The following KCNH8 variants were observed in gnomAD, a reference collection of about 807,000 sequenced individuals.
KCNH8 encodes the protein voltage-gated delayed rectifier potassium channel KCNH8.
In KCNH8, 70 loss-of-function variants were observed where a neutral mutation model predicts 103.6. The observed-to-expected ratio is 0.68, with a 90% CI of 0.56 to 0.82. The LOEUF is 0.82. Ranked by LOEUF, KCNH8 falls within the 40% of genes least tolerant of loss-of-function variation. The pLI, the probability that KCNH8 is intolerant of heterozygous loss-of-function variation, is 0.00. For missense variants in KCNH8, 1,217 were observed against 1,329.9 expected (o/e 0.92, Z 1.32); for synonymous variants, 498 against 489.4 (o/e 1.02, Z -0.23).
chr3:19,198,689 A>G (rs1223817215), intron 1 of KCNH8, among the ~76,000 whole-genome samples: 1 of 151,872 alleles, frequency 6.6e-6, no homozygotes, highest in Non-Finnish European at 1.5e-5. Context: ...AATTTTCCAA[A>G]CAACCATTAT....
intron 1 of KCNH8, among the ~76,000 whole-genome samples, chr3:19,231,029 A>C (rs1198901888): frequency 1.3e-5 from 2 of 152,206 alleles, no homozygotes; most frequent in Admixed American, 6.5e-5. Context: ...CTAACATACT[A>C]TATCCAATTA....
chr3:19,483,112 G>T (rs1481938885), intron 11 of KCNH8, among the ~76,000 whole-genome samples: 1 of 152,004 alleles, frequency 6.6e-6, no homozygotes, highest in African/African-American at 2.4e-5. Context: ...GAGTTTGCCT[G>T]TTTTTATGGG....
Position 19,511,035 on chromosome 3 carries a change from T to G in KCNH8, c.2079+634T>G, listed in dbSNP as rs1200661396. 3.3e-5 allele frequency among the ~76,000 whole-genome samples: 5 copies of G among 152,324 alleles called. No individual in the cohort carries two copies. In the South Asian group the frequency reaches 1.0e-3, roughly 32 times the overall value. On this transcript the variant is annotated intron_variant, in intron 12 of 15. Transcript: ENST00000328405. ...TATACTTTAAGTTCTGGGTTACATG[T>G]GCAGAATGTTCAGTTTTGTTACATA... is the stretch of plus-strand genomic sequence containing the variant.
In KCNH8 at chr3:19,475,305, G is replaced by C. The variant is rs114403893; in HGVS notation, c.2040+18323G>C. On this transcript the variant is annotated intron_variant, in intron 11 of 15. Transcript: ENST00000328405. ...CAGAATCTATAAATAACTAAATTAA[G>C]TAGTTCTGTCTATTCAGAAGTTATG... Among the ~76,000 whole-genome samples, 865 of 148,862 alleles carry C rather than the reference G, an allele frequency of 5.8e-3. 10 individuals are homozygous for C. Among genetic ancestry groups the C allele is most frequent in the African/African-American group, 0.02 (808 of 41,350 alleles).
chr3:19,505,870 T>G (rs2068682871), intron 11 of KCNH8, among the ~76,000 whole-genome samples: 1 of 152,220 alleles, frequency 6.6e-6, no homozygotes, highest in Non-Finnish European at 1.5e-5. Context: ...TTTTTTATTC[T>G]TTTTTATGTA....
At chr3:19,368,291 G>C (rs1325364181) in intron 5 of KCNH8, among the ~76,000 whole-genome samples, 1 of 152,060 alleles carries the variant, frequency 6.6e-6, no homozygotes, top group Admixed American at 6.6e-5. Context: ...TAAAAGAAGA[G>C]TGGAAACTTT....
chr3:19,210,641 A>G (rs1380742108), intron 1 of KCNH8, among the ~76,000 whole-genome samples: 1 of 152,140 alleles, frequency 6.6e-6, no homozygotes, highest in East Asian at 1.9e-4. Context: ...ACATTGTAAA[A>G]TGGCTGCTTT....
At chr3:19,488,840 T>C (rs994871272) in intron 11 of KCNH8, among the ~76,000 whole-genome samples, 4 of 152,136 alleles carry the variant, frequency 2.6e-5, no homozygotes, top group African/African-American at 9.7e-5. Context: ...TTGCCTTTTA[T>C]TTGTATTAAA....
intron 11 of KCNH8, among the ~76,000 whole-genome samples, chr3:19,488,283 CT>C (rs768444976): frequency 2.0e-5 from 3 of 152,198 alleles, no homozygotes; most frequent in South Asian, 4.1e-4. Context: ...TTTTCTTTCC[CT>C]TTTGGGGGAA....
At chr3:19,225,729 A>G (rs552592478) in intron 1 of KCNH8, among the ~76,000 whole-genome samples, 2 of 152,240 alleles carry the variant, frequency 1.3e-5, no homozygotes, top group Admixed American at 6.5e-5. Context: ...TGGCTTTTCT[A>G]TCTACTCTGG....
At chr3:19,394,522 A>G (rs2066486032) in intron 6 of KCNH8, among the ~76,000 whole-genome samples, 1 of 151,994 alleles carries the variant, frequency 6.6e-6, no homozygotes, top group African/African-American at 2.4e-5. Flanking sequence ...CTTCAGGCAA[A>G]TGTTTCCTCT....
chr3:19,429,298 G>C lies in KCNH8; in HGVS notation c.1178-8866G>C, dbSNP rs546846457. Among the ~76,000 whole-genome samples the C allele has an allele frequency of 5.2e-3, 785 of 150,638 alleles. 4 individuals carry two copies. The highest frequency in any genetic ancestry group is 8.3e-3 in the Non-Finnish European group (561 of 67,676). ...ACGGCATTCTCCTGCCTCAGCCTCCGGAGTAGCTGGGACTACAGGTGCCCG... is the reference window on the plus strand; with the variant it reads ...ACGGCATTCTCCTGCCTCAGCCTCCCGAGTAGCTGGGACTACAGGTGCCCG... On this transcript the variant is annotated intron_variant, in intron 7 of 15. Coordinates refer to ENST00000328405, the MANE Select transcript of KCNH8 (RefSeq NM_144633.3).
At chr3:19,497,681 T>C (rs777622588) in intron 11 of KCNH8, among the ~76,000 whole-genome samples, 18 of 152,012 alleles carry the variant, frequency 1.2e-4, no homozygotes, top group Non-Finnish European at 2.1e-4. Flanking sequence ...TTTTAGAATA[T>C]GTGCCATGTG....
At chr3:19,484,677 C>A (rs2068166870) in intron 11 of KCNH8, among the ~76,000 whole-genome samples, 1 of 151,444 alleles carries the variant, frequency 6.6e-6, no homozygotes, top group Non-Finnish European at 1.5e-5. Flanking sequence ...GGTTTGAGGT[C>A]CTTTCCACGG....
At chr3:19,377,228 G>T (rs1186996945) in intron 5 of KCNH8, among the ~76,000 whole-genome samples, 12 of 152,132 alleles carry the variant, frequency 7.9e-5, no homozygotes, top group African/African-American at 2.7e-4. Context: ...TGAAAAGACG[G>T]TATTTTCTGT....
chr3:19,150,905 A>T (rs1397859732), intron 1 of KCNH8, among the ~76,000 whole-genome samples: 2 of 152,178 alleles, frequency 1.3e-5, no homozygotes, highest in African/African-American at 4.8e-5. Flanking sequence ...AAGTAACATA[A>T]GGGTTGACTT....
intron 11 of KCNH8, among the ~76,000 whole-genome samples, chr3:19,478,089 A>C (rs544083402): frequency 6.6e-6 from 1 of 152,248 alleles, no homozygotes; most frequent in Admixed American, 6.5e-5. Flanking sequence ...CAGAAAACAT[A>C]ATTTTATTTT....
intron 8 of KCNH8, among the ~76,000 whole-genome samples, chr3:19,446,880 A>G (rs1245048363): frequency 6.6e-6 from 1 of 152,016 alleles, no homozygotes; most frequent in Non-Finnish European, 1.5e-5. Context: ...GCAGTTCTAT[A>G]GAAGCACTTC....
intron 11 of KCNH8, among the ~76,000 whole-genome samples, chr3:19,471,776 A>ATAC (rs2067861891): frequency 6.6e-6 from 1 of 152,228 alleles, no homozygotes; most frequent in African/African-American, 2.4e-5. Context: ...GAAACTTAGT[A>ATAC]TAAGTTTATC....
Sources: gnomAD v4.1 joint callset for allele counts (sites outside exome capture counted in the v4.1 genomes callset) on GRCh38, gnomAD v4.1.1 for gene constraint, MANE v1.5 for transcripts, NCBI Gene and HGNC (gene_info 2026-07-23, HGNC 2026-07-21) for gene names.